Variants in UST observed in about 807,000 individuals in gnomAD.
UST encodes uronyl 2-sulfotransferase.
In UST, 21 loss-of-function variants were observed where a neutral mutation model predicts 45.6. The ratio of observed to expected loss-of-function variants is 0.46; its 90% confidence interval spans 0.33 to 0.66. The LOEUF (loss-of-function observed/expected upper bound fraction) is 0.66, where lower values mean the gene tolerates loss of function less well. Ranked by LOEUF, UST falls within the 30% of genes least tolerant of loss-of-function variation. UST has a pLI of 0.02. For missense variants in UST, 463 were observed against 512.4 expected (o/e 0.90, Z 0.93); for synonymous variants, 215 against 200.6 (o/e 1.07, Z -0.61).
At chr6:149,046,981 CTGTT>C (rs1395198761) in intron 7 of UST, among the ~76,000 whole-genome samples, 5 of 152,106 alleles carry the variant, frequency 3.3e-5, no homozygotes, top group African/African-American at 1.2e-4. Flanking sequence ...GGCCGTGTCT[CTGTT>C]TGGAGTTAAA....
chr6:148,759,802 C>T (rs1249480599), intron 1 of UST, among the ~76,000 whole-genome samples: 2 of 142,224 alleles, frequency 1.4e-5, no homozygotes, highest in African/African-American at 5.3e-5. Context: ...GAGACAAGAT[C>T]GCACCACTGT....
intron 5 of UST, among the ~76,000 whole-genome samples, chr6:149,018,167 T>C (rs1371267152): frequency 6.6e-6 from 1 of 152,210 alleles, no homozygotes; most frequent in Non-Finnish European, 1.5e-5. Flanking sequence ...AGAAAAAGCA[T>C]AAATTATATT....
intron 5 of UST, among the ~76,000 whole-genome samples, chr6:148,987,195 C>T (rs1418370370): frequency 6.6e-6 from 1 of 152,240 alleles, no homozygotes. Flanking sequence ...AATTACTTGC[C>T]TCCCTGGCCA....
At chr6:149,007,115 C>CT (rs35867213) in intron 5 of UST, among the ~76,000 whole-genome samples, 27 of 77,634 alleles carry the variant, frequency 3.5e-4, no homozygotes, top group Admixed American at 4.8e-4. Context: ...TCCAGGCAAG[C>CT]TTTTTTTTTT....
At chr6:148,920,593 A>G (rs947641401) in intron 2 of UST, among the ~76,000 whole-genome samples, 2 of 152,116 alleles carry the variant, frequency 1.3e-5, no homozygotes, top group Non-Finnish European at 2.9e-5. Flanking sequence ...CGGTGGCCCA[A>G]TCCTGGCTCA....
At chr6:148,974,072 T>TAAGGAGGA (rs1254348836) in intron 5 of UST, among the ~76,000 whole-genome samples, 3 of 152,162 alleles carry the variant, frequency 2.0e-5, no homozygotes, top group Non-Finnish European at 4.4e-5. Context: ...CTTTTGACTA[T>TAAGGAGGA]AAGGAGGATG....
chr6:148,885,300 G>A (rs889159965), intron 1 of UST, among the ~76,000 whole-genome samples: 2 of 152,150 alleles, frequency 1.3e-5, no homozygotes, highest in Non-Finnish European at 2.9e-5. Context: ...CCCATGCTGA[G>A]CAGATGGGAG....
At chr6:148,865,168 G>A (rs899147243) in intron 1 of UST, among the ~76,000 whole-genome samples, 1 of 152,180 alleles carries the variant, frequency 6.6e-6, no homozygotes, top group Admixed American at 6.5e-5. Context: ...GTTTGGTGTG[G>A]CATGTTTAAG....
intron 1 of UST, among the ~76,000 whole-genome samples, chr6:148,846,593 A>G (rs112972955): frequency 0.015 from 1,990 of 130,218 alleles, 40 homozygotes; most frequent in African/African-American, 0.049. Flanking sequence ...AACTTAAAGT[A>G]TAATAATAAT....
intron 5 of UST, among the ~76,000 whole-genome samples, chr6:149,008,466 T>G (rs1775751824): frequency 6.6e-6 from 1 of 152,172 alleles, no homozygotes; most frequent in South Asian, 2.1e-4. Flanking sequence ...AATTCTCTCC[T>G]AACCCTTAAG....
intron 1 of UST, among the ~76,000 whole-genome samples, chr6:148,823,685 T>C (rs1023085649): frequency 6.6e-6 from 1 of 152,232 alleles, no homozygotes; most frequent in Non-Finnish European, 1.5e-5. Context: ...AAACTGTACC[T>C]CATGTGTTAC....
At chr6:148,990,858 T>A (rs147223223) in intron 5 of UST, among the ~76,000 whole-genome samples, 4 of 152,326 alleles carry the variant, frequency 2.6e-5, no homozygotes, top group Non-Finnish European at 5.9e-5. Context: ...GAAAGAGCAG[T>A]GTTCCACGTA....
chr6:148,756,187 C>T (rs1776095433), intron 1 of UST, among the ~76,000 whole-genome samples: 1 of 152,000 alleles, frequency 6.6e-6, no homozygotes, highest in Non-Finnish European at 1.5e-5. Context: ...GACATGAGCT[C>T]ATCCTTTTTT....
intron 5 of UST, among the ~76,000 whole-genome samples, chr6:148,973,551 A>G (rs747101050): frequency 2.0e-5 from 3 of 152,274 alleles, no homozygotes; most frequent in Admixed American, 6.5e-5. Context: ...AGGTCTTGCT[A>G]TTGAAAGAAG....
chr6:148,953,479 G>A (rs933142679), intron 3 of UST, among the ~76,000 whole-genome samples: 1 of 152,120 alleles, frequency 6.6e-6, no homozygotes, highest in African/African-American at 2.4e-5. Flanking sequence ...GGAATAAGTG[G>A]GAATAAAAAG....
chr6:148,783,578 C>G (rs1408690230), intron 1 of UST, among the ~76,000 whole-genome samples: 1 of 152,214 alleles, frequency 6.6e-6, no homozygotes, highest in African/African-American at 2.4e-5. Context: ...TTTCTTCTCA[C>G]AGCTACCAAA....
intron 7 of UST, among the ~76,000 whole-genome samples, chr6:149,022,298 G>A (rs960683141): frequency 6.6e-6 from 1 of 152,188 alleles, no homozygotes; most frequent in Admixed American, 6.5e-5. Flanking sequence ...ATTCTGCCCT[G>A]TAGAAATAAG....
chr6:148,777,789 T>C (rs1248326453), intron 1 of UST, among the ~76,000 whole-genome samples: 6 of 152,200 alleles, frequency 3.9e-5, no homozygotes, highest in Admixed American at 3.9e-4. Context: ...TTAGGTGATC[T>C]ACCTGCCTCG....
chr6:149,066,041 A>G (rs1776725487), intron 7 of UST: 1 of 152,410 alleles, frequency 6.6e-6, no homozygotes, highest in East Asian at 1.9e-4. Context: ...TTTATAAGAC[A>G]GGCTGGGAAA....
Sources: allele counts gnomAD v4.1 joint callset (sites outside exome capture counted in the v4.1 genomes callset), GRCh38; gene constraint gnomAD v4.1.1; transcripts MANE v1.5; gene names NCBI Gene and HGNC (gene_info 2026-07-23, HGNC 2026-07-21).